TRIM64C: variants seen among roughly 807,000 people sequenced by gnomAD.
TRIM64C encodes tripartite motif containing 64C.
TRIM64C carries 25 observed loss-of-function variants against 36.1 expected under a neutral mutation model. That is an observed-to-expected ratio of 0.69 (90% CI 0.51 to 0.97). TRIM64C has a LOEUF of 0.97. TRIM64C is among the 50% of genes least tolerant of loss of function. TRIM64C has a pLI of 0.00. For missense variants in TRIM64C, 489 were observed against 536.8 expected (o/e 0.91, Z 0.88); for synonymous variants, 212 against 185.7 (o/e 1.14, Z -1.15).
Position 49,058,825 on chromosome 11 carries a change from C to T in TRIM64C, c.288G>A (p.Glu96=), listed in dbSNP as rs1455993236. 4 of 1,549,292 alleles carry T rather than the reference C, an allele frequency of 2.6e-6. No individual in the cohort carries two copies. Among genetic ancestry groups the T allele is most frequent in the Non-Finnish European group, 3.5e-6 (4 of 1,146,860 alleles). ...CCTCACAGAAGAGCTCCTTAGTCTC[C>T]TCATGGAGCACACAGATATTGTCTG... is the stretch of plus-strand genomic sequence containing the variant. ...NSSDNICVLH[E]ETKELFCEAD... is the part of the protein sequence containing the mutation. The change falls in exon 1 of 6, where the codon GAG becomes GAA. Residue 96 remains glutamate (E), a synonymous_variant. Transcript: ENST00000617704.
intron 3 of TRIM64C, among the ~76,000 whole-genome samples, chr11:49,056,899 C>G (rs770394445): frequency 6.6e-6 from 1 of 151,830 alleles, no homozygotes; most frequent in Non-Finnish European, 1.5e-5. Context: ...TAGATGATCT[C>G]TCTTGTGGAT....
chr11:49,056,436 T>A, intron 3 of TRIM64C, 55 bp from the exon 4 acceptor site: 2 of 1,361,134 alleles, frequency 1.5e-6, no homozygotes, highest in South Asian at 2.5e-5. Flanking sequence ...CTTCTGCATC[T>A]TTTCTCATAC....
rs747030028 is a variant in TRIM64C, at chr11:49,058,174, T to C, written c.413-2A>G. 6.6e-7 allele frequency: 1 copy of C among 1,511,692 alleles called. No individual in the cohort carries two copies. Among genetic ancestry groups the C allele is most frequent in the Non-Finnish European group, 8.9e-7 (1 of 1,129,432 alleles). The allele number at this position is 1,511,692 out of a possible 1,614,324, so 93.6% of individuals were successfully genotyped here. On this transcript the variant is annotated splice_acceptor_variant, in intron 1 of 5. Coordinates refer to ENST00000617704, the MANE Select transcript of TRIM64C (RefSeq NM_001206631.1). LOFTEE classifies it high-confidence loss of function. ...AGTCCATTTCCTTTATAAGTTTCTCTTGCAAAAGAAGCAAGAAGCTTAGCA... is the reference window on the plus strand; with the variant it reads ...AGTCCATTTCCTTTATAAGTTTCTCCTGCAAAAGAAGCAAGAAGCTTAGCA...
At chr11:49,058,565 G>A in intron 1 of TRIM64C, 136 bp downstream of exon 1, 1 of 1,452,084 alleles carries the variant, frequency 6.9e-7, no homozygotes, top group South Asian at 1.4e-5. Flanking sequence ...ACATTGAAAG[G>A]ACACATTTAT....
Position 49,058,883 on chromosome 11 carries a change from G to A in TRIM64C, c.230C>T (p.Ala77Val), listed in dbSNP as rs1217260675. The change falls in exon 1 of 6, where the codon GCC becomes GTC. Residue 77 changes from alanine to valine, a missense_variant. Coordinates refer to ENST00000617704, the MANE Select transcript of TRIM64C (RefSeq NM_001206631.1). Reference protein sequence around the residue: ...NVALKKLASLARQTRPQNINS... With the variant: ...NVALKKLASLVRQTRPQNINS... The stretch of plus-strand genomic sequence containing the variant: ...GATGTTCTGAGGTCTGGTCTGTCTG[G>A]CTAGGGAAGCCAGCTTTTTGAGTGC... The A allele has an allele frequency of 6.5e-7, 1 of 1,550,084 alleles. No individual in the cohort carries two copies. The highest frequency in any genetic ancestry group is 1.4e-5 in the African/African-American group (1 of 72,590).
Position 49,053,935 on chromosome 11 carries a change from A to T in TRIM64C, c.1132T>A (p.Ser378Thr). The part of the protein sequence containing the change: ...IVIDSDKTFF[S>T]ISSKTSNHYS... ...TGATTGCTCGTCTTTGAAGAAATTG[A>T]AAAAAATGTTTTGTCAGAATCAATA... Residue 378 changes from serine (S) to threonine (T), a missense_variant, in exon 6 of 6, where the codon TCA (serine) becomes ACA (threonine). Physicochemically the swap from Ser to Thr is moderately conservative, Grantham distance 58. Transcript: ENST00000617704. 1 of 1,551,618 alleles carries T rather than the reference A, an allele frequency of 6.4e-7. No individual in the cohort carries two copies. The highest frequency in any genetic ancestry group is 8.7e-7 in the Non-Finnish European group (1 of 1,146,834).
intron 5 of TRIM64C, among the ~76,000 whole-genome samples, chr11:49,054,924 TA>T: frequency 6.6e-6 from 1 of 152,350 alleles, no homozygotes; most frequent in Admixed American, 6.5e-5. Context: ...TTATAGAATG[TA>T]TGTAAATGCA....
At position 49,053,753 on chromosome 11, in the gene TRIM64C, A is replaced by C. The variant is rs1240460830; in HGVS notation, c.1314T>G (p.Ser438=). 6.4e-7 allele frequency: 1 copy of C among 1,551,094 alleles called. No individual in the cohort carries two copies. Among genetic ancestry groups the C allele is most frequent in the Non-Finnish European group, 8.7e-7 (1 of 1,146,858 alleles). The change falls in exon 6 of 6, where the codon TCT becomes TCG. Residue 438 remains serine (S), a synonymous_variant. Transcript: ENST00000617704. ...AGCAAAAGAAAGGCCTCAGAGGGGA[A>C]GAGAAGGAGGAAGGAGGAAAACCAT... ...LIYGFPPSSF[S]SPLRPFFCFG... is the part of the protein sequence containing the mutation.
At chr11:49,055,116 A>T (rs894696462) in intron 5 of TRIM64C, among the ~76,000 whole-genome samples, 194 bp downstream of exon 5, 3 of 152,210 alleles carry the variant, frequency 2.0e-5, no homozygotes, top group East Asian at 1.9e-4. Context: ...TTACATTTTC[A>T]TCAAACTGTA....
intron 4 of TRIM64C, 114 bp from the exon 5 acceptor site, chr11:49,055,521 G>C: frequency 7.3e-7 from 1 of 1,376,904 alleles, no homozygotes; most frequent in South Asian, 1.3e-5. Context: ...GCCGGTTTTG[G>C]TTAACTGGAT....
At chr11:49,055,521 G>T in intron 4 of TRIM64C, 114 bp from the exon 5 acceptor site, 1 of 1,376,902 alleles carries the variant, frequency 7.3e-7, no homozygotes, top group Non-Finnish European at 9.9e-7. Flanking sequence ...GCCGGTTTTG[G>T]TTAACTGGAT....
Position 49,053,875 on chromosome 11 carries a change from G to T in TRIM64C, c.1192C>A (p.Gln398Lys). 1 of 1,551,710 alleles carries T rather than the reference G, an allele frequency of 6.4e-7. No individual in the cohort carries two copies. The highest frequency in any genetic ancestry group is 8.7e-7 in the Non-Finnish European group (1 of 1,146,870). ...CAACCCAGAGGCCTTTGCACATACT[G>T]GATTAAAGGTGGAGAATTGGTGGAG... is the stretch of plus-strand genomic sequence containing the variant. ...SLSTNSPPLI[Q>K]YVQRPLGWVG... Residue 398 changes from glutamine (Q) to lysine (K), a missense_variant, in exon 6 of 6, where the codon CAG becomes AAG. Coordinates refer to ENST00000617704, the MANE Select transcript of TRIM64C (RefSeq NM_001206631.1).
intron 3 of TRIM64C, among the ~76,000 whole-genome samples, 181 bp downstream of exon 3, chr11:49,056,967 A>T (rs1445569690): frequency 6.6e-5 from 10 of 151,916 alleles, no homozygotes; most frequent in African/African-American, 2.4e-4. Context: ...AAAATGGCAA[A>T]AATTTCCCAA....
At chr11:49,057,755 T>C in intron 2 of TRIM64C, 2 of 492,004 alleles carry the variant, frequency 4.1e-6, no homozygotes, top group East Asian at 5.5e-5. Flanking sequence ...ATTTTTACTC[T>C]ATATACTATT....
intron 2 of TRIM64C, chr11:49,057,726 AT>A (rs1229330518): frequency 6.3e-6 from 3 of 475,348 alleles, no homozygotes; most frequent in Non-Finnish European, 7.8e-6. Flanking sequence ...ATTATGCAGT[AT>A]TTTTTTACTT....
At chr11:49,055,794 T>C (rs942087336) in intron 4 of TRIM64C, among the ~76,000 whole-genome samples, 13 of 152,124 alleles carry the variant, frequency 8.5e-5, no homozygotes, top group Admixed American at 4.6e-4. Context: ...CAGTGTCTAA[T>C]AGAGAATGTT....
At chr11:49,057,574 A>T (rs775293758) in intron 2 of TRIM64C, among the ~76,000 whole-genome samples, 196 bp from the exon 3 acceptor site, 1 of 151,806 alleles carries the variant, frequency 6.6e-6, no homozygotes, top group Non-Finnish European at 1.5e-5. Context: ...AATCAAACCA[A>T]TATAAAGACT....
In TRIM64C at chr11:49,054,001, C is replaced by T. The variant is rs753504277; in HGVS notation, c.1066G>A (p.Gly356Arg). Residue 356 changes from glycine (G) to arginine (R), a missense_variant, in exon 6 of 6, where the codon GGA becomes AGA. By Grantham distance (125) the Gly-to-Arg change is moderately radical. Coordinates refer to ENST00000617704, the MANE Select transcript of TRIM64C (RefSeq NM_001206631.1). ...DVTHSSNWIL[G>R]VCRDSRTADT... ...GCTGTCCTAGAATCTCGACAGACTC[C>T]CAGAATCCAGTTGGAGGAGTGGGTC... 2 of 1,551,408 alleles carry T rather than the reference C, an allele frequency of 1.3e-6. No individual in the cohort carries two copies. The highest frequency in any genetic ancestry group is 2.7e-5 in the African/African-American group (2 of 73,032).
At chr11:49,058,275 G>A (rs1483546640) in intron 1 of TRIM64C, 103 bp from the exon 2 acceptor site, 2 of 829,436 alleles carry the variant, frequency 2.4e-6, no homozygotes, top group Non-Finnish European at 3.6e-6. Flanking sequence ...AATTAAGTTA[G>A]AGTGGAGTGG....
Sources: gnomAD v4.1 joint callset for allele counts (sites outside exome capture counted in the v4.1 genomes callset) on GRCh38, gnomAD v4.1.1 for gene constraint, MANE v1.5 for transcripts, NCBI Gene and HGNC (gene_info 2026-07-23, HGNC 2026-07-21) for gene names.